Variants in RPS6KA2 observed in about 807,000 individuals in gnomAD.
RPS6KA2 encodes the protein ribosomal protein S6 kinase alpha-2.
Under a neutral mutation model 91.8 loss-of-function variants are expected in RPS6KA2, and 42 were observed. The ratio of observed to expected loss-of-function variants is 0.46; its 90% CI spans 0.36 to 0.59. The LOEUF is 0.59. Among genes scored for constraint, RPS6KA2 ranks in the 20% least tolerant of loss-of-function variants. The pLI is 0.00. For missense variants in RPS6KA2, 798 were observed against 978.5 expected (o/e 0.82, Z 2.46); for synonymous variants, 414 against 393.6 (o/e 1.05, Z -0.61).
In RPS6KA2 at chr6:166,732,458, T is replaced by C. The variant is rs573886962; in HGVS notation, c.123+125742A>G. 6.6e-6 allele frequency among the ~76,000 whole-genome samples: 1 copy of C among 152,334 alleles called. No individual in the cohort carries two copies. Among genetic ancestry groups the C allele is most frequent in the South Asian group, 2.1e-4 (1 of 4,824 alleles). On this transcript the variant is annotated intron_variant, in intron 2 of 21. Coordinates refer to the RPS6KA2 transcript ENST00000503859. The surrounding 1 kb of genome is among the most constrained non-coding windows in gnomAD (Gnocchi z 4.0). The stretch of plus-strand genomic sequence containing the variant: ...ATTTGCCTGTCCACCTGGAGGGATG[T>C]GACTTCCATCAGGCTACAAACATCC...
At chr6:166,723,444 C>T (rs1349271165) in intron 2 of RPS6KA2, among the ~76,000 whole-genome samples, 1 of 152,098 alleles carries the variant, frequency 6.6e-6, no homozygotes, top group Admixed American at 6.5e-5. Flanking sequence ...TTCTTCACCC[C>T]AGGGGGGTCC....
chr6:166,691,279 G>C (rs557317615), intron 2 of RPS6KA2, among the ~76,000 whole-genome samples: 4 of 152,158 alleles, frequency 2.6e-5, no homozygotes, highest in South Asian at 2.1e-4. Flanking sequence ...TTCACGGCCC[G>C]CATGCCAGGT....
chr6:166,469,851 A>G lies in RPS6KA2; in HGVS notation c.962T>C (p.Ile321Thr), dbSNP rs772054144. Residue 321 changes from isoleucine to threonine, a missense_variant, in exon 11 of 21, where the codon ATA (isoleucine) becomes ACA (threonine). Physicochemically the swap from Ile to Thr is moderately conservative, Grantham distance 89 (BLOSUM62 -1). Coordinates refer to ENST00000265678, the MANE Select transcript of RPS6KA2 (RefSeq NM_021135.6). Reference protein sequence around the residue: ...EIKRHPFFVTIDWNTLYRKEI... With the variant: ...EIKRHPFFVTTDWNTLYRKEI... ...TGGCATGCAACTTACGTTCCAGTCT[A>G]TGGTCACAAAGAAGGGATGGCGCTT... is the stretch of plus-strand genomic sequence containing the variant. The G allele has an allele frequency of 6.2e-7, 1 of 1,614,012 alleles. No individual in the cohort carries two copies. Among genetic ancestry groups the G allele is most frequent in the Admixed American group, 1.7e-5 (1 of 60,022 alleles).
rs140667858 is a variant in RPS6KA2, at chr6:166,850,018, C to T, written c.123+8182G>A. ...ATGCCCACGGGGCCTCCGCCAGGGACGTGGAGCGGAGGCGTTTCCTTCTTG... is the reference window on the plus strand; with the variant it reads ...ATGCCCACGGGGCCTCCGCCAGGGATGTGGAGCGGAGGCGTTTCCTTCTTG... On this transcript the variant is annotated intron_variant, in intron 2 of 21. Coordinates refer to the RPS6KA2 transcript ENST00000503859. 2.4e-4 allele frequency among the ~76,000 whole-genome samples: 37 copies of T among 152,236 alleles called. No individual in the cohort carries two copies. The East Asian group carries it at 7.0e-3, about 29-fold the overall frequency.
chr6:166,694,329 G>C (rs1789297284), intron 2 of RPS6KA2, among the ~76,000 whole-genome samples: 1 of 152,222 alleles, frequency 6.6e-6, no homozygotes, highest in African/African-American at 2.4e-5. Flanking sequence ...TCCTTTAGGT[G>C]AACTTGCTGG....
chr6:166,656,832 T>C (rs1788015842), intron 2 of RPS6KA2, among the ~76,000 whole-genome samples: 1 of 152,142 alleles, frequency 6.6e-6, no homozygotes, highest in Non-Finnish European at 1.5e-5. Context: ...GTTGTCCAGA[T>C]TCACCGCGGT....
chr6:166,527,780 G>T (rs7765185), intron 3 of RPS6KA2, among the ~76,000 whole-genome samples: 56,491 of 151,884 alleles, frequency 0.37, 12,777 homozygotes, highest in African/African-American at 0.64. Context: ...TCTCCTGGAC[G>T]GTCATATGAG....
intron 2 of RPS6KA2, among the ~76,000 whole-genome samples, chr6:166,722,049 AT>A (rs1228012057): frequency 6.6e-6 from 1 of 152,262 alleles, no homozygotes; most frequent in Non-Finnish European, 1.5e-5. Context: ...CAGTAGGAAA[AT>A]ATAACCAGAA....
intron 1 of RPS6KA2, among the ~76,000 whole-genome samples, chr6:166,562,939 G>C (rs1349388249): frequency 2.6e-5 from 4 of 152,238 alleles, no homozygotes; most frequent in Non-Finnish European, 5.9e-5. Context: ...GGCAGAAGCA[G>C]GGGTACAAGG....
At chr6:166,583,155 A>G (rs1365788264) in intron 1 of RPS6KA2, among the ~76,000 whole-genome samples, 1 of 152,236 alleles carries the variant, frequency 6.6e-6, no homozygotes, top group Admixed American at 6.5e-5. Context: ...AAGGTATCAT[A>G]TTACACATAA....
chr6:166,729,884 C>G (rs1042258770), intron 2 of RPS6KA2, among the ~76,000 whole-genome samples: 1 of 152,126 alleles, frequency 6.6e-6, no homozygotes, highest in African/African-American at 2.4e-5. Context: ...ATTCAAGGGC[C>G]CTTCTCATCA....
upstream of RPS6KA2, among the ~76,000 whole-genome samples, chr6:166,629,800 G>A (rs1283481662): frequency 1.3e-5 from 2 of 152,130 alleles, no homozygotes; most frequent in Admixed American, 6.5e-5. Context: ...ACTGAATTCC[G>A]TGGTGACTGC....
chr6:166,645,228 G>A (rs1458638612), intron 2 of RPS6KA2, among the ~76,000 whole-genome samples: 4 of 152,136 alleles, frequency 2.6e-5, no homozygotes, highest in Non-Finnish European at 5.9e-5. Flanking sequence ...ATGCATAATA[G>A]CATCTACAAG....
intron 2 of RPS6KA2, among the ~76,000 whole-genome samples, chr6:166,758,130 T>C (rs9355592): frequency 0.083 from 12,583 of 152,232 alleles, 1,002 homozygotes; most frequent in East Asian, 0.29. Context: ...TCGGTCCTTC[T>C]CTGTGTCATT....
intron 2 of RPS6KA2, among the ~76,000 whole-genome samples, chr6:166,675,958 C>G (rs558385864): frequency 6.6e-6 from 1 of 152,284 alleles, no homozygotes; most frequent in South Asian, 2.1e-4. Flanking sequence ...AGCTGTCAAT[C>G]GTCATAACAG....
chr6:166,552,907 T>A (rs1784063975), intron 1 of RPS6KA2, among the ~76,000 whole-genome samples: 1 of 152,254 alleles, frequency 6.6e-6, no homozygotes, highest in African/African-American at 2.4e-5. Flanking sequence ...ATCCTGGCAA[T>A]GGCCACAGGT....
At chr6:166,847,703 C>A (rs965203032) in intron 2 of RPS6KA2, among the ~76,000 whole-genome samples, 1 of 151,942 alleles carries the variant, frequency 6.6e-6, no homozygotes, top group Non-Finnish European at 1.5e-5. Flanking sequence ...AACTGCCTAC[C>A]CACATGTAGA....
intron 2 of RPS6KA2, among the ~76,000 whole-genome samples, chr6:166,679,595 G>A (rs983254470): frequency 1.3e-5 from 2 of 152,330 alleles, no homozygotes; most frequent in East Asian, 3.9e-4. Flanking sequence ...AGGTAACAAC[G>A]TGCTAGCAGC....
intron 1 of RPS6KA2, among the ~76,000 whole-genome samples, chr6:166,858,619 G>A (rs530280165): frequency 3.3e-5 from 5 of 152,336 alleles, no homozygotes; most frequent in East Asian, 1.9e-4. Flanking sequence ...AAATACGAAC[G>A]GAGCTGATGT....
Sources: allele counts gnomAD v4.1 joint callset (sites outside exome capture counted in the v4.1 genomes callset), GRCh38; gene constraint gnomAD v4.1.1; non-coding constraint Gnocchi (gnomAD v3.1); transcripts MANE v1.5; gene names NCBI Gene and HGNC (gene_info 2026-07-23, HGNC 2026-07-21).